The following KIAA1958 variants were observed in gnomAD, a reference collection of about 807,000 sequenced individuals.
KIAA1958 encodes the protein KIAA1958.
In KIAA1958, 14 loss-of-function variants were observed where a neutral mutation model predicts 47.2. The ratio of observed to expected loss-of-function variants is 0.30; its 90% CI spans 0.20 to 0.46. KIAA1958 has a LOEUF of 0.46. Ranked by LOEUF, KIAA1958 falls within the 20% of genes least tolerant of loss-of-function variation. KIAA1958 has a pLI of 1.00. For synonymous variants in KIAA1958, 354 were observed against 353.3 expected, an observed-to-expected ratio of 1.00 and a Z score of -0.02; for missense variants, 803 against 909.2, an observed-to-expected ratio of 0.88 and a Z score of 1.50.
chr9:112,537,003 A>T (rs981415155), intron 1 of KIAA1958, among the ~76,000 whole-genome samples: 1 of 152,218 alleles, frequency 6.6e-6, no homozygotes, highest in Non-Finnish European at 1.5e-5. Context: ...TAGAGACTCT[A>T]TTAAAAGTTA....
chr9:112,508,165 GATT>G (rs1834262855), intron 1 of KIAA1958, among the ~76,000 whole-genome samples: 1 of 152,110 alleles, frequency 6.6e-6, no homozygotes, highest in African/African-American at 2.4e-5. Flanking sequence ...GCTTGAAAAG[GATT>G]AGGAGACTGA....
At chr9:112,613,967 A>T (rs1013445042) in intron 2 of KIAA1958, among the ~76,000 whole-genome samples, 6 of 152,260 alleles carry the variant, frequency 3.9e-5, no homozygotes, top group African/African-American at 1.4e-4. Flanking sequence ...CTAGAATGTT[A>T]TGGCAGTTTT....
Position 112,617,178 on chromosome 9 carries a change from A to G in KIAA1958, c.1172-28472A>G, listed in dbSNP as rs76090816. The stretch of plus-strand genomic sequence containing the variant: ...CCCTTTTTTACATCTTGACTATAAT[A>G]GCCTAATTCAAATGTAACTGTCCTG... On this transcript the variant is annotated intron_variant, in intron 2 of 3. Transcript: ENST00000337530. 3.9e-3 allele frequency among the ~76,000 whole-genome samples: 600 copies of G among 152,366 alleles called. 28 individuals carry two copies. In the East Asian group the frequency reaches 0.096, roughly 24 times the overall value.
intron 2 of KIAA1958, among the ~76,000 whole-genome samples, chr9:112,632,443 A>G (rs1260830560): frequency 6.6e-6 from 1 of 152,048 alleles, no homozygotes; most frequent in Non-Finnish European, 1.5e-5. Flanking sequence ...CATTTAGTCA[A>G]AATTACCCAC....
At chr9:112,501,873 AAG>A (rs1161484389) in intron 1 of KIAA1958, among the ~76,000 whole-genome samples, 2 of 152,218 alleles carry the variant, frequency 1.3e-5, no homozygotes, top group African/African-American at 4.8e-5. Context: ...ATGATAGACA[AAG>A]AGTTGATGTC....
At chr9:112,646,054 G>A (rs1336038429) in intron 3 of KIAA1958, among the ~76,000 whole-genome samples, 1 of 150,954 alleles carries the variant, frequency 6.6e-6, no homozygotes, top group Non-Finnish European at 1.5e-5. Context: ...ATTTCAATTT[G>A]GTAAAACTGG....
intron 2 of KIAA1958, among the ~76,000 whole-genome samples, chr9:112,639,900 G>A (rs1435115589): frequency 6.6e-6 from 1 of 152,140 alleles, no homozygotes. Context: ...AAGAGAAAAA[G>A]GAAAGAATTC....
chr9:112,656,517 C>T (rs766704341), intron 3 of KIAA1958, among the ~76,000 whole-genome samples: 1 of 151,568 alleles, frequency 6.6e-6, no homozygotes, highest in Non-Finnish European at 1.5e-5. Context: ...AATGTGCATA[C>T]ATTCTATTTA....
chr9:112,654,826 G>T (rs184681522), intron 3 of KIAA1958, among the ~76,000 whole-genome samples: 1 of 152,268 alleles, frequency 6.6e-6, no homozygotes, highest in Admixed American at 6.5e-5. Context: ...AACCTACGCT[G>T]ATAGCTTTTC....
intron 3 of KIAA1958, among the ~76,000 whole-genome samples, chr9:112,658,563 G>A (rs962533004): frequency 1.3e-5 from 2 of 152,164 alleles, no homozygotes; most frequent in Non-Finnish European, 2.9e-5. Flanking sequence ...ATGTGTATGG[G>A]GGGGTGTTCA....
Position 112,509,282 on chromosome 9 carries a change from G to A in KIAA1958, c.-25+22164G>A, listed in dbSNP as rs987779327. On this transcript the variant is annotated intron_variant, in intron 1 of 3. Transcript: ENST00000337530. ...TGCAATGGCACGATCTTGGCTCACT[G>A]CATCCTCCCCCAGGTTCAAGCGATT... Among the ~76,000 whole-genome samples, 5 of 142,866 alleles carry A rather than the reference G, an allele frequency of 3.5e-5. No individual in the cohort carries two copies. The Admixed American group carries it at 3.7e-4, about 11-fold the overall frequency. The allele number at this position is 142,866 out of a possible 152,430, so 93.7% of individuals were successfully genotyped here. A position where few individuals can be genotyped will look rare whatever the true frequency, so the allele number is the denominator to read the frequency against.
intron 2 of KIAA1958, among the ~76,000 whole-genome samples, chr9:112,621,060 T>G (rs1055001109): frequency 1.3e-5 from 1 of 77,994 alleles, no homozygotes; most frequent in Non-Finnish European, 2.9e-5. Context: ...CATTCCAGAG[T>G]TTTTTTCTAT....
At chr9:112,573,436 T>C (rs1835573477) in intron 1 of KIAA1958, among the ~76,000 whole-genome samples, 1 of 152,206 alleles carries the variant, frequency 6.6e-6, no homozygotes, top group Non-Finnish European at 1.5e-5. Context: ...CCTCCCAGTC[T>C]GTTCTCCCTT....
chr9:112,617,620 CTA>C (rs1836429286), intron 2 of KIAA1958, among the ~76,000 whole-genome samples: 1 of 152,178 alleles, frequency 6.6e-6, no homozygotes, highest in Non-Finnish European at 1.5e-5. Flanking sequence ...ATGCACTAAA[CTA>C]TGTGCCCGTG....
chr9:112,579,156 G>A (rs1299231013), intron 2 of KIAA1958, among the ~76,000 whole-genome samples: 1 of 151,868 alleles, frequency 6.6e-6, no homozygotes, highest in African/African-American at 2.4e-5. Context: ...AGTCTCTCAC[G>A]TATATTGGAA....
chr9:112,628,011 A>G (rs1421513796), intron 2 of KIAA1958, among the ~76,000 whole-genome samples: 1 of 152,200 alleles, frequency 6.6e-6, no homozygotes, highest in Non-Finnish European at 1.5e-5. Flanking sequence ...ACTCTACTAC[A>G]CATTGTTAAA....
At chr9:112,628,771 AAT>A (rs1199825659) in intron 2 of KIAA1958, among the ~76,000 whole-genome samples, 1 of 152,054 alleles carries the variant, frequency 6.6e-6, no homozygotes, top group Non-Finnish European at 1.5e-5. Context: ...AAATCAAAAA[AAT>A]ATATATATAT....
intron 1 of KIAA1958, among the ~76,000 whole-genome samples, chr9:112,554,649 AAC>A (rs1395215745): frequency 6.6e-6 from 1 of 152,140 alleles, no homozygotes; most frequent in Non-Finnish European, 1.5e-5. Context: ...ACTAGATAAA[AAC>A]ACAGATTCCC....
Position 112,574,925 on chromosome 9 carries a change from A to G in KIAA1958, c.845A>G (p.Gln282Arg), listed in dbSNP as rs756985222. The change falls in exon 2 of 4, where the codon CAG becomes CGG. Residue 282 changes from glutamine to arginine, a missense_variant. Physicochemically the swap from Gln to Arg is conservative, Grantham distance 43 (BLOSUM62 1). Coordinates refer to ENST00000337530, the MANE Select transcript of KIAA1958 (RefSeq NM_133465.4). Reference protein sequence around the residue: ...SPSVISRPIVQKTARVSLASP... With the variant: ...SPSVISRPIVRKTARVSLASP... ...TCTGTGATCTCCAGACCAATTGTCC[A>G]GAAGACTGCTAGGGTATCTCTGGCT... The G allele has an allele frequency of 1.2e-6, 2 of 1,614,046 alleles. No individual in the cohort carries two copies. The highest frequency in any genetic ancestry group is 3.3e-5 in the Admixed American group (2 of 60,014).
Sources: gnomAD v4.1 joint callset for allele counts (sites outside exome capture counted in the v4.1 genomes callset) on GRCh38, gnomAD v4.1.1 for gene constraint, MANE v1.5 for transcripts, NCBI Gene and HGNC (gene_info 2026-07-23, HGNC 2026-07-21) for gene names.